The following HERPUD1 variants were observed in gnomAD, a reference collection of about 807,000 sequenced individuals.
The protein encoded by HERPUD1 is homocysteine-responsive endoplasmic reticulum-resident ubiquitin-like domain member 1 protein.
A neutral mutation model predicts 45.0 loss-of-function variants in HERPUD1; 17 were observed. That is an observed-to-expected ratio of 0.38 (90% confidence interval 0.26 to 0.57). The LOEUF is 0.57. HERPUD1 is among the 20% of genes least tolerant of loss of function. The pLI is 0.72. For missense variants in HERPUD1, 420 were observed against 490.5 expected (o/e 0.86, Z 1.36); for synonymous variants, 164 against 177.5 (o/e 0.92, Z 0.61).
In HERPUD1 at chr16:56,942,397, C is replaced by G. The variant is rs1048293994; in HGVS notation, c.1011+160C>G. Reference sequence around the variant, plus strand: ...CTTAGAGCAGCAGCTATTTTTAAAACGTCGAATGTGCCATCACATTCTATC... The same window carrying G: ...CTTAGAGCAGCAGCTATTTTTAAAAGGTCGAATGTGCCATCACATTCTATC... On this transcript the variant is annotated intron_variant, in intron 7 of 7. Coordinates refer to ENST00000439977, the MANE Select transcript of HERPUD1 (RefSeq NM_014685.4). Among the ~76,000 whole-genome samples, 5 of 152,298 alleles carry G rather than the reference C, an allele frequency of 3.3e-5. No homozygotes were observed. In the East Asian group the frequency reaches 9.6e-4, roughly 29 times the overall value.
chr16:56,937,974 C>T (rs1183653373), intron 4 of HERPUD1, among the ~76,000 whole-genome samples: 1 of 152,060 alleles, frequency 6.6e-6, no homozygotes, highest in Non-Finnish European at 1.5e-5. Context: ...TCTGATTCAA[C>T]TATTCTTAAC....
chr16:56,934,700 T>TC (rs1567459318), intron 1 of HERPUD1, among the ~76,000 whole-genome samples: 2 of 138,484 alleles, frequency 1.4e-5, no homozygotes, highest in Non-Finnish European at 3.1e-5. Context: ...TAATTTGCCA[T>TC]TCTTTTTTTT....
In HERPUD1 at chr16:56,943,528, T is replaced by C. The variant is rs564340476; in HGVS notation, c.*238T>C. On this transcript the variant is annotated 3_prime_UTR_variant, in exon 8 of 8. Coordinates refer to ENST00000439977, the MANE Select transcript of HERPUD1 (RefSeq NM_014685.4). ...CTGAAGAGCTTTAATATATACTCTA[T>C]GTAGTTTAATAAGCACTGTACGTAG... 27 of 566,100 alleles carry C rather than the reference T, an allele frequency of 4.8e-5. No individual in the cohort carries two copies. In the East Asian group the frequency reaches 8.3e-4, roughly 17 times the overall value. 35.1% of individuals were successfully genotyped at this position (566,100 alleles called of 1,614,324 possible).
At chr16:56,942,264 C>T (rs781570950) in intron 7 of HERPUD1, 27 bp downstream of exon 7, 20 of 1,499,740 alleles carry the variant, frequency 1.3e-5, no homozygotes, top group South Asian at 3.4e-5. Flanking sequence ...GAAGCCCAGG[C>T]GAGCTTGACG....
chr16:56,933,380 TG>T, intron 1 of HERPUD1: 1 of 455,598 alleles, frequency 2.2e-6, no homozygotes, highest in Non-Finnish European at 4.4e-6. Flanking sequence ...TTGCATTCCA[TG>T]TCCTCTAGAA....
Position 56,936,810 on chromosome 16 carries a change from A to G in HERPUD1, c.424A>G (p.Ile142Val), listed in dbSNP as rs750656794. 1 of 1,613,904 alleles carries G rather than the reference A, an allele frequency of 6.2e-7. No homozygotes were observed. Among genetic ancestry groups the G allele is most frequent in the Non-Finnish European group, 8.5e-7 (1 of 1,179,822 alleles). The change falls in exon 4 of 8, where the codon ATC becomes GTC. Residue 142 changes from isoleucine to valine, a missense_variant. By Grantham distance (29) the Ile-to-Val change is conservative. Transcript: ENST00000439977. The part of the protein sequence containing the change: ...RNLSSPGWEN[I>V]SRPEAAQQAF... ...CCTTTCTTCCCCTGGATGGGAAAAC[A>G]TCTCAAGGTGAGTGTTATAATAAAG...
Position 56,942,712 on chromosome 16 carries a change from G to A in HERPUD1, c.1012-414G>A, listed in dbSNP as rs565732956. 3.3e-5 allele frequency among the ~76,000 whole-genome samples: 5 copies of A among 152,238 alleles called. 1 individual carries two copies. The South Asian group carries it at 1.0e-3, about 32-fold the overall frequency. On this transcript the variant is annotated intron_variant, in intron 7 of 7. Coordinates refer to ENST00000439977, the MANE Select transcript of HERPUD1 (RefSeq NM_014685.4). ...TCTACTAAAATTACAAAAATTAGTT[G>A]GGCGTGCCTGTATTCTCAGCTGCTA...
Position 56,932,288 on chromosome 16 carries a change from A to G in HERPUD1, c.44A>G (p.Lys15Arg), listed in dbSNP as rs866052655. Reference protein sequence around the residue: ...TEPEPVTLLVKSPNQRHRDLE... With the variant: ...TEPEPVTLLVRSPNQRHRDLE... ...CCCGAGCCCGTCACGCTCCTGGTGA[A>G]GAGCCCCAACCAGCGCCACCGCGAC... Residue 15 changes from lysine to arginine, a missense_variant, in exon 1 of 8, where the codon AAG becomes AGG. Lys to Arg is a conservative substitution (Grantham distance 26). Coordinates refer to ENST00000439977, the MANE Select transcript of HERPUD1 (RefSeq NM_014685.4). 4 of 1,608,992 alleles carry G rather than the reference A, an allele frequency of 2.5e-6. No individual in the cohort carries two copies. Among genetic ancestry groups the G allele is most frequent in the Non-Finnish European group, 3.4e-6 (4 of 1,179,346 alleles).
Position 56,940,015 on chromosome 16 carries a change from T to G in HERPUD1, c.675T>G (p.Pro225=). 1 of 1,614,178 alleles carries G rather than the reference T, an allele frequency of 6.2e-7. No individual in the cohort carries two copies. The change falls in exon 6 of 8, where the codon CCT becomes CCG. Residue 225 remains proline (P), a synonymous_variant. Transcript: ENST00000439977. Reference sequence around the variant, plus strand: ...ACCAGTTTCCAGCTGAAAACCAGCCTGCCAATCAGAATGCTGCTCCTCAAG... The same window carrying G: ...ACCAGTTTCCAGCTGAAAACCAGCCGGCCAATCAGAATGCTGCTCCTCAAG... ...IHNQFPAENQ[P]ANQNAAPQVV... is the part of the protein sequence containing the mutation.
chr16:56,933,453 TG>T (rs2055842191), intron 1 of HERPUD1: 1 of 423,354 alleles, frequency 2.4e-6, no homozygotes, highest in Non-Finnish European at 4.7e-6. Flanking sequence ...GTGGCTGTGT[TG>T]CCATGAGAAT....
In HERPUD1 at chr16:56,936,824, G is replaced by T. The variant is rs780455102; in HGVS notation, c.431+7G>T. On this transcript the variant is annotated splice_region_variant and intron_variant, in intron 4 of 7. Coordinates refer to ENST00000439977, the MANE Select transcript of HERPUD1 (RefSeq NM_014685.4). ...GATGGGAAAACATCTCAAGGTGAGT[G>T]TTATAATAAAGATCTTGGCTTATGC... 1 of 1,612,654 alleles carries T rather than the reference G, an allele frequency of 6.2e-7. No individual in the cohort carries two copies. The highest frequency in any genetic ancestry group is 8.5e-7 in the Non-Finnish European group (1 of 1,179,206).
chr16:56,934,893 G>C (rs1008619064), intron 1 of HERPUD1: 1 of 235,960 alleles, frequency 4.2e-6, no homozygotes, highest in Admixed American at 5.1e-5. Context: ...TGCATTTTTA[G>C]TAGAGATGGG....
At position 56,932,150 on chromosome 16, in the gene HERPUD1, G is replaced by C. The variant is rs773867032; in HGVS notation, c.-95G>C. The C allele has an allele frequency of 1.9e-6, 3 of 1,545,982 alleles. No homozygotes were observed. Among genetic ancestry groups the C allele is most frequent in the South Asian group, 2.3e-5 (2 of 85,144 alleles). ...CCGAAGCGGGGGCGCGCGCCCCAGA[G>C]ACGTGAACTGTCGTTGCAGAGATTG... On this transcript the variant is annotated 5_prime_UTR_variant, in exon 1 of 8. Transcript: ENST00000439977.
In HERPUD1 at chr16:56,939,947, G is replaced by A. The variant is rs780976866; in HGVS notation, c.607G>A (p.Glu203Lys). 6.2e-7 allele frequency: 1 copy of A among 1,613,780 alleles called. No individual in the cohort carries two copies. Among genetic ancestry groups the A allele is most frequent in the Non-Finnish European group, 8.5e-7 (1 of 1,179,874 alleles). Residue 203 changes from glutamate to lysine, a missense_variant, in exon 6 of 8, where the codon GAG becomes AAG. Physicochemically the swap from Glu to Lys is moderately conservative, Grantham distance 56 (BLOSUM62 1). Coordinates refer to ENST00000439977, the MANE Select transcript of HERPUD1 (RefSeq NM_014685.4). ...GAFVPPPSAQEIPVVSAPAPA... is the reference protein window; with the variant it reads ...GAFVPPPSAQKIPVVSAPAPA... ...TTTTGTTCCACCACCAAGTGCACAAGAGATACCTGTGGTCTCTGCACCTGC... is the reference window on the plus strand; with the variant it reads ...TTTTGTTCCACCACCAAGTGCACAAAAGATACCTGTGGTCTCTGCACCTGC...
chr16:56,942,044 C>T lies in HERPUD1; in HGVS notation c.906-88C>T. ...TTGCAGTGAGCTTATCAGGGTGCTGCTGTGATTAGAGGTGGGGAGCCTTGG... is the reference window on the plus strand; with the variant it reads ...TTGCAGTGAGCTTATCAGGGTGCTGTTGTGATTAGAGGTGGGGAGCCTTGG... On this transcript the variant is annotated intron_variant, in intron 6 of 7. Transcript: ENST00000439977. The T allele has an allele frequency of 9.1e-6, 9 of 986,490 alleles. No homozygotes were observed. The South Asian group carries it at 1.2e-4, about 13-fold the overall frequency. The allele number at this position is 986,490 out of a possible 1,614,324, so 61.1% of individuals were successfully genotyped here. A position where few individuals can be genotyped will look rare whatever the true frequency, so the allele number is the denominator to read the frequency against.
intron 6 of HERPUD1, chr16:56,941,922 C>T (rs1567461895): frequency 1.9e-6 from 1 of 513,396 alleles, no homozygotes; most frequent in Non-Finnish European, 3.5e-6. Context: ...GCTGGGTGTG[C>T]AATGATGAAT....
Position 56,932,303 on chromosome 16 carries a change from G to T in HERPUD1, c.59G>T (p.Arg20Leu). 1 of 1,608,546 alleles carries T rather than the reference G, an allele frequency of 6.2e-7. No homozygotes were observed. The highest frequency in any genetic ancestry group is 1.1e-5 in the South Asian group (1 of 90,832). ...VTLLVKSPNQ[R>L]HRDLELSGDR... The stretch of plus-strand genomic sequence containing the variant: ...CTCCTGGTGAAGAGCCCCAACCAGC[G>T]CCACCGCGACTTGGAGCTGAGTGGC... The change falls in exon 1 of 8, where the codon CGC becomes CTC. Residue 20 changes from arginine to leucine, a missense_variant. Transcript: ENST00000439977.
chr16:56,940,595 C>G (rs2055902294), intron 6 of HERPUD1, among the ~76,000 whole-genome samples: 1 of 152,000 alleles, frequency 6.6e-6, no homozygotes, highest in Admixed American at 6.6e-5. Flanking sequence ...CGTGAGCCAC[C>G]ACTGCGCCTG....
In HERPUD1 at chr16:56,935,317, A is replaced by G. The variant is rs771100509; in HGVS notation, c.225+5A>G. On this transcript the variant is annotated splice_donor_5th_base_variant and intron_variant, in intron 2 of 7. Coordinates refer to ENST00000439977, the MANE Select transcript of HERPUD1 (RefSeq NM_014685.4). ...CTCAGGGACTTGCTTCCAAAGGTAC[A>G]TCACTTACACATTAACTTCTGAATG... is the stretch of plus-strand genomic sequence containing the variant. 9 of 1,613,174 alleles carry G rather than the reference A, an allele frequency of 5.6e-6. No homozygotes were observed. In the East Asian group the frequency reaches 1.6e-4, roughly 28 times the overall value.
Sources: gnomAD v4.1 joint callset for allele counts (sites outside exome capture counted in the v4.1 genomes callset) on GRCh38, gnomAD v4.1.1 for gene constraint, MANE v1.5 for transcripts, NCBI Gene and HGNC (gene_info 2026-07-23, HGNC 2026-07-21) for gene names.